The following DPYS variants were observed in gnomAD, a reference collection of about 807,000 sequenced individuals.
DPYS encodes the protein dihydropyrimidinase, also known as dihydropyrimidine amidohydrolase.
Under a neutral mutation model 50.3 loss-of-function variants are expected in DPYS, and 39 were observed. The observed-to-expected ratio is 0.78, with a 90% CI of 0.60 to 1.01. DPYS has a LOEUF of 1.01. Among genes scored for constraint, DPYS ranks in the 50% least tolerant of loss-of-function variants. DPYS has a pLI of 0.00. For synonymous variants in DPYS, 245 were observed against 250.7 expected (o/e 0.98, Z 0.22); for missense variants, 659 against 680.9 (o/e 0.97, Z 0.36).
intron 7 of DPYS, among the ~76,000 whole-genome samples, chr8:104,405,577 C>G (rs1226196369): frequency 6.6e-6 from 1 of 152,232 alleles, no homozygotes; most frequent in Non-Finnish European, 1.5e-5. Flanking sequence ...TCTGTCAGAG[C>G]TAGAAGCTCA....
chr8:104,420,361 G>C (rs956119405), intron 7 of DPYS: 5 of 152,162 alleles, frequency 3.3e-5, no homozygotes, highest in Non-Finnish European at 7.3e-5. Flanking sequence ...AGAGAAAGCT[G>C]GTGCTGTGAT....
intron 7 of DPYS, chr8:104,421,308 T>C (rs993482656): frequency 6.6e-6 from 1 of 152,210 alleles, no homozygotes; most frequent in Non-Finnish European, 1.5e-5. Context: ...ATAAATAATG[T>C]CCTTCATAAA....
chr8:104,424,059 A>G, intron 7 of DPYS, 188 bp downstream of exon 7: 4 of 983,938 alleles, frequency 4.1e-6, no homozygotes, highest in Non-Finnish European at 4.8e-6. Flanking sequence ...TACATCCTCT[A>G]TGCCAAGAAA....
intron 4 of DPYS, among the ~76,000 whole-genome samples, chr8:104,431,744 G>T (rs375671655): frequency 1.3e-5 from 2 of 152,150 alleles, no homozygotes; most frequent in Non-Finnish European, 1.5e-5. Flanking sequence ...CTTCATAGCC[G>T]CCTTCATGCT....
Position 104,404,932 on chromosome 8 carries a change from AAAAC to A in DPYS, c.1236-11945_1236-11942del, listed in dbSNP as rs201902917. Among the ~76,000 whole-genome samples the A allele has an allele frequency of 2.2e-3, 333 of 152,332 alleles. 1 individual carries two copies. The highest frequency in any genetic ancestry group is 5.6e-3 in the African/African-American group (232 of 41,574). On this transcript the variant is annotated intron_variant, in intron 7 of 9. Transcript: ENST00000351513. The stretch of plus-strand genomic sequence containing the variant: ...CCTGCTCTGAATATCTCTAGTGGCA[AAAAC>A]AAACAAACAAACAAACAAAAAGCAA...
chr8:104,405,331 C>T (rs566231934), intron 7 of DPYS, among the ~76,000 whole-genome samples: 5 of 152,302 alleles, frequency 3.3e-5, no homozygotes, highest in Non-Finnish European at 7.4e-5. Context: ...AGCAGGTTGA[C>T]GCTGACCCCA....
At chr8:104,412,608 C>A (rs1277252323) in intron 7 of DPYS, among the ~76,000 whole-genome samples, 1 of 152,160 alleles carries the variant, frequency 6.6e-6, no homozygotes, top group African/African-American at 2.4e-5. Context: ...CATTCATATT[C>A]CAGCTCCAGG....
At chr8:104,425,697 C>A (rs1812699807) in intron 6 of DPYS, among the ~76,000 whole-genome samples, 1 of 152,074 alleles carries the variant, frequency 6.6e-6, no homozygotes, top group East Asian at 1.9e-4. Context: ...CATGAACCAA[C>A]AATTATGGAT....
intron 6 of DPYS, among the ~76,000 whole-genome samples, chr8:104,427,769 A>G (rs1260263324): frequency 6.6e-6 from 1 of 152,168 alleles, no homozygotes; most frequent in African/African-American, 2.4e-5. Flanking sequence ...TCTAAACTAA[A>G]ATAAACTATG....
chr8:104,438,633 T>G lies in DPYS; in HGVS notation c.793+5615A>C, dbSNP rs768539348. On this transcript the variant is annotated intron_variant, in intron 4 of 9. Transcript: ENST00000351513. ...TTTCCATAATTTTACCCTGTGACAGTTCTAAATTTTAGACTTAACCTATAG... is the reference window on the plus strand; with the variant it reads ...TTTCCATAATTTTACCCTGTGACAGGTCTAAATTTTAGACTTAACCTATAG... Among the ~76,000 whole-genome samples, 19 of 152,194 alleles carry G rather than the reference T, an allele frequency of 1.2e-4. 1 individual carries two copies. The highest frequency in any genetic ancestry group is 8.5e-4 in the Admixed American group (13 of 15,284).
At chr8:104,389,000 C>T (rs1811303945) in intron 8 of DPYS, among the ~76,000 whole-genome samples, 3 of 152,152 alleles carry the variant, frequency 2.0e-5, no homozygotes, top group Admixed American at 2.0e-4. Flanking sequence ...TTTGCTCCTT[C>T]TGTGTGCAGT....
At chr8:104,415,918 CCTA>C (rs1215461574) in intron 7 of DPYS, among the ~76,000 whole-genome samples, 10 of 152,142 alleles carry the variant, frequency 6.6e-5, no homozygotes, top group Admixed American at 6.5e-4. Context: ...AAACTGACCA[CCTA>C]CTACTACTAT....
At chr8:104,433,478 C>CA (rs1317891061) in intron 4 of DPYS, among the ~76,000 whole-genome samples, 20 of 151,994 alleles carry the variant, frequency 1.3e-4, no homozygotes, top group African/African-American at 4.8e-4. Context: ...ACTAAAAATA[C>CA]AAAAAATTAT....
rs1384063871 is a variant in DPYS at position 104,379,757 on chromosome 8, G to T, written c.*101C>A. 4 of 456,318 alleles carry T rather than the reference G, an allele frequency of 8.8e-6. No homozygotes were observed. The highest frequency in any genetic ancestry group is 8.8e-6 in the Non-Finnish European group (2 of 226,838). The allele number at this position is 456,318 out of a possible 1,614,324, so 28.3% of individuals were successfully genotyped here. ...GGTGAATTTTTTCTAAAGGATCCTA[G>T]GGAGTTGAATAAGGCCTGCTTCTCC... On this transcript the variant is annotated 3_prime_UTR_variant, in exon 10 of 10. Coordinates refer to ENST00000351513, the MANE Select transcript of DPYS (RefSeq NM_001385.3).
intron 2 of DPYS, among the ~76,000 whole-genome samples, chr8:104,448,738 A>T (rs1344809032): frequency 6.6e-6 from 1 of 152,238 alleles, no homozygotes; most frequent in Non-Finnish European, 1.5e-5. Flanking sequence ...CACATGCAAG[A>T]AATTTCCTAC....
At chr8:104,420,633 A>G (rs1030575190) in intron 7 of DPYS, 1 of 151,864 alleles carries the variant, frequency 6.6e-6, no homozygotes, top group Non-Finnish European at 1.5e-5. Flanking sequence ...AGTAAGTCAA[A>G]TAAGTCAAAG....
chr8:104,385,500 A>G (rs778391332), intron 8 of DPYS, among the ~76,000 whole-genome samples: 1 of 152,206 alleles, frequency 6.6e-6, no homozygotes, highest in Non-Finnish European at 1.5e-5. Context: ...GCTGGTCAAG[A>G]TTAGATGATC....
intron 4 of DPYS, among the ~76,000 whole-genome samples, chr8:104,430,263 A>G (rs1277274901): frequency 6.6e-6 from 1 of 152,232 alleles, no homozygotes; most frequent in East Asian, 1.9e-4. Flanking sequence ...GCCCTTGAAA[A>G]AAAGAACTCC....
rs1481326643 is a variant in DPYS at position 104,465,149 on chromosome 8, G to A, written c.264+1508C>T. Among the ~76,000 whole-genome samples the A allele has an allele frequency of 4.6e-5, 7 of 152,216 alleles. No individual in the cohort carries two copies. The South Asian group carries it at 1.5e-3, about 32-fold the overall frequency. On this transcript the variant is annotated intron_variant, in intron 1 of 9. Coordinates refer to ENST00000351513, the MANE Select transcript of DPYS (RefSeq NM_001385.3). ...TAGAGGATTGGGGAACTTGGAGAGG[G>A]GGAGGTGTAAGGAGAGCAAAACTGT...
Sources: allele counts gnomAD v4.1 joint callset (sites outside exome capture counted in the v4.1 genomes callset), GRCh38; gene constraint gnomAD v4.1.1; transcripts MANE v1.5; gene names NCBI Gene and HGNC (gene_info 2026-07-23, HGNC 2026-07-21).